DPP6: variants seen among roughly 807,000 people sequenced by gnomAD.
DPP6 encodes the protein dipeptidyl peptidase like 6.
A neutral mutation model predicts 122.6 loss-of-function variants in DPP6; 69 were observed. The observed-to-expected ratio is 0.56, with a 90% CI of 0.46 to 0.69. The LOEUF (loss-of-function observed/expected upper bound fraction) is 0.69. Ranked by LOEUF, DPP6 falls within the 30% of genes least tolerant of loss-of-function variation. The pLI, the probability that DPP6 is intolerant of heterozygous loss-of-function variation, is 0.00. For missense variants in DPP6, 928 were observed against 1,116.9 expected (o/e 0.83, Z 2.41); for synonymous variants, 418 against 433.1 (o/e 0.97, Z 0.43).
chr7:153,988,238 C>G (rs942091428), intron 1 of DPP6, among the ~76,000 whole-genome samples: 3 of 151,984 alleles, frequency 2.0e-5, no homozygotes, highest in Non-Finnish European at 4.4e-5. Flanking sequence ...TTTTGCTCCA[C>G]TTCCCAGCCA....
At chr7:154,640,908 A>G (rs1214873133) in intron 6 of DPP6, among the ~76,000 whole-genome samples, 2 of 152,308 alleles carry the variant, frequency 1.3e-5, no homozygotes, top group South Asian at 2.1e-4. Context: ...TCTAAATTAA[A>G]GCCAGAGGCC....
the DPP6 span, among the ~76,000 whole-genome samples, chr7:153,838,955 T>C: frequency 2.0e-5 from 3 of 152,168 alleles, no homozygotes; most frequent in African/African-American, 7.2e-5. Flanking sequence ...TTCTCAAATG[T>C]GCCATTTGAG....
chr7:153,900,209 C>T lies in DPP6; in HGVS notation c.51+12475C>T, dbSNP rs917696480. Among the ~76,000 whole-genome samples the T allele has an allele frequency of 5.3e-5, 8 of 149,678 alleles. No individual in the cohort carries two copies. The South Asian group carries it at 8.5e-4, about 16-fold the overall frequency. On this transcript the variant is annotated intron_variant, in intron 1 of 25. Coordinates refer to the DPP6 transcript ENST00000404039. ...GATTTCATTTTTGTTTTTAAAATTT[C>T]GTGGCTCAGTACTTTCTCCCATCTT...
rs570969884 is a variant in DPP6, at chr7:154,517,381, G to C, written c.458-23151G>C. ...ACAGATGAGCTTCTCCACAGGGTGAGAGTTGAGCACCCAGCACGGTGTCTG... is the reference window on the plus strand; with the variant it reads ...ACAGATGAGCTTCTCCACAGGGTGACAGTTGAGCACCCAGCACGGTGTCTG... On this transcript the variant is annotated intron_variant, in intron 3 of 25. Transcript: ENST00000377770. Among the ~76,000 whole-genome samples the C allele has an allele frequency of 5.3e-5, 8 of 152,248 alleles. 1 individual carries two copies. The South Asian group carries it at 1.2e-3, about 24-fold the overall frequency.
chr7:154,821,961 C>T lies in DPP6; in HGVS notation c.1666+14849C>T, dbSNP rs1799819473. ...TCCGGTTAAAAGCCAGTGTGGAATA[C>T]ATGTCTCAAGCTTCCCTGATGTTAT... is the stretch of plus-strand genomic sequence containing the variant. On this transcript the variant is annotated intron_variant, in intron 16 of 25. Coordinates refer to ENST00000377770, the MANE Select transcript of DPP6 (RefSeq NM_130797.4). This position sits in a 1 kb window ranked among gnomAD's most constrained non-coding sequence, Gnocchi z 4.2. Among the ~76,000 whole-genome samples the T allele has an allele frequency of 6.6e-6, 1 of 152,126 alleles. No homozygotes were observed. The highest frequency in any genetic ancestry group is 6.5e-5 in the Admixed American group (1 of 15,274).
chr7:154,843,123 T>TC (rs1320828945), intron 16 of DPP6, among the ~76,000 whole-genome samples: 1 of 152,212 alleles, frequency 6.6e-6, no homozygotes, highest in Non-Finnish European at 1.5e-5. Flanking sequence ...TTGTATGCTT[T>TC]CATTTAAAAG....
chr7:154,295,430 C>A (rs889795110), intron 1 of DPP6, among the ~76,000 whole-genome samples: 1 of 152,114 alleles, frequency 6.6e-6, no homozygotes, highest in African/African-American at 2.4e-5. Context: ...TCTGTAAATT[C>A]CCTCCTAGGA....
intron 8 of DPP6, among the ~76,000 whole-genome samples, chr7:154,762,192 C>T (rs1180758337): frequency 1.3e-5 from 2 of 152,156 alleles, no homozygotes; most frequent in African/African-American, 2.4e-5. Context: ...CTATAACACA[C>T]CCTTTATGAC....
chr7:154,566,719 A>G lies in DPP6; in HGVS notation c.553-123A>G, dbSNP rs898965733. 9.9e-6 allele frequency: 6 copies of G among 603,922 alleles called. No individual in the cohort carries two copies. The African/African-American group carries it at 1.2e-4, about 12-fold the overall frequency. 37.4% of individuals were successfully genotyped at this position (603,922 alleles called of 1,614,324 possible). A position where few individuals can be genotyped will look rare whatever the true frequency, so the allele number is the denominator to read the frequency against. On this transcript the variant is annotated intron_variant, in intron 4 of 25. Coordinates refer to ENST00000377770, the MANE Select transcript of DPP6 (RefSeq NM_130797.4). ...TAAATATTATTCAGCTAACAAAGAA[A>G]GGATATAGCCATTTTAATAGCTAAT...
intron 5 of DPP6, among the ~76,000 whole-genome samples, chr7:154,594,323 TA>T (rs779993153): frequency 6.6e-6 from 1 of 152,202 alleles, no homozygotes; most frequent in Non-Finnish European, 1.5e-5. Context: ...TGTAGGGGTT[TA>T]GGGGTCTATA....
intron 1 of DPP6, among the ~76,000 whole-genome samples, chr7:154,021,439 C>G (rs752704731): frequency 2.0e-4 from 31 of 152,158 alleles, no homozygotes; most frequent in Non-Finnish European, 4.1e-4. Context: ...GGAGAAGAGG[C>G]CTTTGTGCCA....
chr7:154,889,187 C>T (rs1806401321), intron 23 of DPP6, 85 bp from the exon 24 acceptor site: 1 of 1,531,962 alleles, frequency 6.5e-7, no homozygotes, highest in Non-Finnish European at 8.8e-7. Context: ...ACTTCACCTA[C>T]CTTCTCAGTC....
chr7:154,669,954 T>G (rs12536021), intron 7 of DPP6, among the ~76,000 whole-genome samples: 39,982 of 151,924 alleles, frequency 0.26, 5,373 homozygotes, highest in East Asian at 0.35. Flanking sequence ...CCACCTCCTG[T>G]GTTCAAGCGA....
chr7:154,349,656 A>G (rs1318350820), intron 1 of DPP6, among the ~76,000 whole-genome samples: 2 of 152,192 alleles, frequency 1.3e-5, no homozygotes, highest in African/African-American at 4.8e-5. Flanking sequence ...AATTATATGC[A>G]TTTTAGGAAA....
intron 1 of DPP6, among the ~76,000 whole-genome samples, chr7:153,987,330 C>T (rs369666030): frequency 1.6e-4 from 25 of 152,172 alleles, no homozygotes; most frequent in East Asian, 3.9e-4. Flanking sequence ...AATTTGCTTA[C>T]GTTGAATCAC....
the DPP6 span, among the ~76,000 whole-genome samples, chr7:153,812,459 C>T: frequency 3.9e-5 from 6 of 152,124 alleles, no homozygotes; most frequent in South Asian, 2.1e-4. Context: ...GAAGACTCTC[C>T]GAACCCAGTT....
At chr7:154,017,957 T>C (rs1025596741) in intron 1 of DPP6, among the ~76,000 whole-genome samples, 1 of 152,162 alleles carries the variant, frequency 6.6e-6, no homozygotes, top group Non-Finnish European at 1.5e-5. Flanking sequence ...TATATTGAAA[T>C]GTCCACCTGA....
At chr7:154,793,897 A>C in intron 10 of DPP6, 182 bp from the exon 11 acceptor site, 1 of 943,510 alleles carries the variant, frequency 1.1e-6, no homozygotes, top group Non-Finnish European at 1.5e-6. Flanking sequence ...GCGGCCCCTC[A>C]GAGTCCCGCG....
intron 1 of DPP6, among the ~76,000 whole-genome samples, chr7:154,274,166 T>C (rs1331848156): frequency 6.6e-6 from 1 of 152,176 alleles, no homozygotes; most frequent in Non-Finnish European, 1.5e-5. Context: ...TGTTAATTCA[T>C]CTCCAGTGAC....
Sources: gnomAD v4.1 joint callset for allele counts (sites outside exome capture counted in the v4.1 genomes callset) on GRCh38, gnomAD v4.1.1 for gene constraint, Gnocchi (gnomAD v3.1) non-coding constraint, MANE v1.5 for transcripts, NCBI Gene and HGNC (gene_info 2026-07-23, HGNC 2026-07-21) for gene names.